The following BRAF variants were observed in gnomAD, a reference collection of about 807,000 sequenced individuals.
BRAF encodes the protein B-Raf proto-oncogene, serine/threonine kinase.
BRAF carries 16 observed loss-of-function variants against 104.6 expected under a neutral mutation model. That is an observed-to-expected ratio of 0.15 (90% CI 0.10 to 0.23). The LOEUF (loss-of-function observed/expected upper bound fraction) is 0.23. Among genes scored for constraint, BRAF ranks in the 10% least tolerant of loss-of-function variants. The pLI is 1.00. For synonymous variants in BRAF, 310 were observed against 341.6 expected (o/e 0.91, Z 1.02); for missense variants, 541 against 937.3 (o/e 0.58, Z 5.52).
intron 1 of BRAF, among the ~76,000 whole-genome samples, chr7:140,853,605 C>G (rs1809439367): frequency 6.6e-6 from 1 of 152,158 alleles, no homozygotes; most frequent in Admixed American, 6.5e-5. Flanking sequence ...GCCTGGAATG[C>G]TCTTCCCCTA....
chr7:140,817,860 A>G (rs1274660958), intron 3 of BRAF, among the ~76,000 whole-genome samples: 1 of 152,236 alleles, frequency 6.6e-6, no homozygotes, highest in African/African-American at 2.4e-5. Flanking sequence ...ATCAATGGAG[A>G]AAAAGATAAA....
intron 16 of BRAF, among the ~76,000 whole-genome samples, chr7:140,749,638 T>C (rs1355753463): frequency 6.6e-6 from 1 of 152,208 alleles, no homozygotes; most frequent in East Asian, 1.9e-4. Flanking sequence ...TGTATTGTAT[T>C]ACTAAGATTT....
At chr7:140,857,978 T>C (rs1004424247) in intron 1 of BRAF, among the ~76,000 whole-genome samples, 9 of 152,190 alleles carry the variant, frequency 5.9e-5, no homozygotes, top group African/African-American at 1.4e-4. Flanking sequence ...AAATTATGCA[T>C]GTATCCCGCC....
At position 140,725,010 on chromosome 7, in the gene BRAF, T is replaced by C. The variant is rs1310714530; in HGVS notation, c.*1484A>G. 7 of 1,047,048 alleles carry C rather than the reference T, an allele frequency of 6.7e-6. No homozygotes were observed. The highest frequency in any genetic ancestry group is 8.1e-6 in the Non-Finnish European group (7 of 867,812). 64.9% of individuals were successfully genotyped at this position (1,047,048 alleles called of 1,614,324 possible). ...CAGTTCTTTCTATAAAAACAACTGA[T>C]GACAGCTTTCCCACACCCTCCCTCA... is the stretch of plus-strand genomic sequence containing the variant. On this transcript the variant is annotated 3_prime_UTR_variant, in exon 20 of 20. Coordinates refer to ENST00000644969, the MANE Select transcript of BRAF (RefSeq NM_001374258.1).
At position 140,783,226 on chromosome 7, in the gene BRAF, G is replaced by A; in HGVS notation, c.1298-69C>T. On this transcript the variant is annotated intron_variant, in intron 10 of 19. Coordinates refer to ENST00000644969, the MANE Select transcript of BRAF (RefSeq NM_001374258.1). Reference sequence around the variant, plus strand: ...GTATGTTAATTTATCAGGGGTAGAAGGTTGGGGGATATTTAGACTTAATTT... The same window carrying A: ...GTATGTTAATTTATCAGGGGTAGAAAGTTGGGGGATATTTAGACTTAATTT... 3.8e-6 allele frequency: 6 copies of A among 1,570,904 alleles called. No homozygotes were observed. The South Asian group carries it at 4.5e-5, about 12-fold the overall frequency.
At chr7:140,764,717 A>G (rs1316109847) in intron 14 of BRAF, among the ~76,000 whole-genome samples, 2 of 152,232 alleles carry the variant, frequency 1.3e-5, no homozygotes, top group African/African-American at 4.8e-5. Context: ...AAGAGAATAA[A>G]ATACTTAGGA....
intron 7 of BRAF, among the ~76,000 whole-genome samples, chr7:140,797,084 T>A (rs1802565884): frequency 6.6e-6 from 1 of 152,174 alleles, no homozygotes; most frequent in Non-Finnish European, 1.5e-5. Flanking sequence ...ATCTTGGCAG[T>A]CGGCAAACTG....
chr7:140,734,980 T>C lies in BRAF; in HGVS notation c.2248-210A>G, dbSNP rs71645994. The stretch of plus-strand genomic sequence containing the variant: ...GGAAAATATTTGTAAATAATTGGTA[T>C]TTTTTCTTAAGAAGAAACTCTCTCT... On this transcript the variant is annotated intron_variant, in intron 18 of 19. Transcript: ENST00000644969. Among the ~76,000 whole-genome samples the C allele has an allele frequency of 7.8e-3, 1,181 of 152,230 alleles. 9 individuals are homozygous for C. The highest frequency in any genetic ancestry group is 0.014 in the Non-Finnish European group (926 of 68,004).
In BRAF at chr7:140,800,377, G is replaced by A. The variant is rs2129043610; in HGVS notation, c.965C>T (p.Ala322Val). Residue 322 changes from alanine (A) to valine (V), a missense_variant, in exon 7 of 20, where the codon GCC becomes GTC. Physicochemically the swap from Ala to Val is moderately conservative, Grantham distance 64. Around this residue, in one of 10 missense-constraint regions of BRAF, gnomAD observed 79 missense variants for 74.6 expected, o/e 1.06. Coordinates refer to ENST00000644969, the MANE Select transcript of BRAF (RefSeq NM_001374258.1). ...CAAACCATACCCAATAGAGTCCGAGGCGGGTGCGGAAGGGGATGATCCAGA... is the reference window on the plus strand; with the variant it reads ...CAAACCATACCCAATAGAGTCCGAGACGGGTGCGGAAGGGGATGATCCAGA... ...LTSGSSPSAP[A>V]SDSIGPQILT... The A allele has an allele frequency of 6.2e-7, 1 of 1,614,136 alleles. No individual in the cohort carries two copies.
At chr7:140,820,683 T>A (rs1200492484) in intron 3 of BRAF, among the ~76,000 whole-genome samples, 1 of 152,174 alleles carries the variant, frequency 6.6e-6, no homozygotes, top group Non-Finnish European at 1.5e-5. Flanking sequence ...TTCATGCCTA[T>A]AATCCCAGCA....
intron 3 of BRAF, among the ~76,000 whole-genome samples, chr7:140,809,961 T>C (rs1045934784): frequency 2.6e-5 from 4 of 152,152 alleles, no homozygotes; most frequent in Admixed American, 6.5e-5. Context: ...TCTGAGTTAC[T>C]TGGAACTGAA....
At position 140,908,789 on chromosome 7, in the gene BRAF, T is replaced by C. The variant is rs143986165; in HGVS notation, c.138+15777A>G. 4.4e-3 allele frequency among the ~76,000 whole-genome samples: 672 copies of C among 151,390 alleles called. 17 individuals are homozygous for C. The highest frequency in any genetic ancestry group is 0.015 in the African/African-American group (627 of 41,488). ...AGGTTATTCTTTTTGACTGTCACTT[T>C]AGATGAACTCTAGGACTTGATTTCT... On this transcript the variant is annotated intron_variant, in intron 1 of 19. Coordinates refer to ENST00000644969, the MANE Select transcript of BRAF (RefSeq NM_001374258.1).
chr7:140,729,510 A>G (rs1222689274), intron 19 of BRAF, among the ~76,000 whole-genome samples: 1 of 150,084 alleles, frequency 6.7e-6, no homozygotes, highest in Non-Finnish European at 1.5e-5. Context: ...GGCCAGGTGC[A>G]GTGGCTCAAG....
rs1225789026 is a variant in BRAF at position 140,749,101 on chromosome 7, T to C, written c.2112+186A>G. ...ATTCCATTGTAACATTCATGACTGA[T>C]ATTCTGAGGAAAGGACTTAACGTGT... On this transcript the variant is annotated intron_variant, in intron 17 of 19. Transcript: ENST00000644969. 8.1e-5 allele frequency: 50 copies of C among 617,488 alleles called. 1 individual carries two copies. The South Asian group carries it at 9.5e-4, about 12-fold the overall frequency. The allele number at this position is 617,488 out of a possible 1,614,324, so 38.3% of individuals were successfully genotyped here. A position where few individuals can be genotyped will look rare whatever the true frequency, so the allele number is the denominator to read the frequency against.
chr7:140,919,303 C>T (rs924728646), intron 1 of BRAF, among the ~76,000 whole-genome samples: 5 of 152,110 alleles, frequency 3.3e-5, no homozygotes, highest in Admixed American at 1.3e-4. Context: ...ATGAAAACGA[C>T]GCTTTATCCG....
chr7:140,796,095 A>T (rs1255563554), intron 7 of BRAF, among the ~76,000 whole-genome samples: 3 of 152,314 alleles, frequency 2.0e-5, no homozygotes, highest in Admixed American at 1.3e-4. Flanking sequence ...TCATGCCTGT[A>T]ATCCCAGCAC....
chr7:140,865,200 C>T (rs1251709430), intron 1 of BRAF, among the ~76,000 whole-genome samples: 1 of 152,048 alleles, frequency 6.6e-6, no homozygotes, highest in East Asian at 1.9e-4. Context: ...CTGCCTCAGC[C>T]TCCCAAGTAG....
intron 14 of BRAF, among the ~76,000 whole-genome samples, chr7:140,763,346 C>G (rs1172146060): frequency 6.9e-6 from 1 of 144,022 alleles, no homozygotes; most frequent in African/African-American, 2.6e-5. Flanking sequence ...CTGACCCCCC[C>G]ACCTCCCTCC....
intron 2 of BRAF, among the ~76,000 whole-genome samples, chr7:140,843,513 C>T (rs902227679): frequency 2.0e-5 from 3 of 152,138 alleles, no homozygotes; most frequent in Admixed American, 6.6e-5. Context: ...CAGTTAAACG[C>T]ATTTATAATT....
Sources: gnomAD v4.1 joint callset for allele counts (sites outside exome capture counted in the v4.1 genomes callset) on GRCh38, gnomAD v4.1.1 for gene constraint, gnomAD v4.1.1 regional missense constraint, MANE v1.5 for transcripts, NCBI Gene and HGNC (gene_info 2026-07-23, HGNC 2026-07-21) for gene names.